FCRL4: variants seen among roughly 807,000 people sequenced by gnomAD.
FCRL4 encodes Fc receptor like 4, also known as Fc receptor-like protein 4.
Under a neutral mutation model 64.1 loss-of-function variants are expected in FCRL4, and 43 were observed. The ratio of observed to expected loss-of-function variants is 0.67; its 90% CI spans 0.53 to 0.87. FCRL4 has a LOEUF of 0.87. FCRL4 is among the 40% of genes least tolerant of loss of function. FCRL4 has a pLI of 0.00. For missense variants in FCRL4, 656 were observed against 613.5 expected (o/e 1.07, Z -0.73); for synonymous variants, 253 against 239.8 (o/e 1.05, Z -0.51).
chr1:157,589,509 C>T (rs1400688828), intron 2 of FCRL4, 51 bp from the exon 3 acceptor site: 5 of 1,594,668 alleles, frequency 3.1e-6, no homozygotes, highest in African/African-American at 1.3e-5. Context: ...GCAGTCCCAG[C>T]TGCAGTGGCT....
intron 6 of FCRL4, among the ~76,000 whole-genome samples, chr1:157,585,345 T>TCTTTCTTTCTTTCTTC (rs1652655488): frequency 7.3e-5 from 1 of 13,618 alleles, no homozygotes; most frequent in Non-Finnish European, 1.5e-4. Flanking sequence ...TTTCTCTCTC[T>TCTTTCTTTCTTTCTTC]CTTTCTTTCT....
At chr1:157,587,180 G>A (rs1188836435) in intron 5 of FCRL4, 96 bp downstream of exon 5, 2 of 1,410,208 alleles carry the variant, frequency 1.4e-6, no homozygotes, top group Admixed American at 2.0e-5. Flanking sequence ...GCCTCTGTCA[G>A]GATGATAAAA....
chr1:157,597,587 T>G (rs974458404), intron 1 of FCRL4, among the ~76,000 whole-genome samples: 21 of 152,330 alleles, frequency 1.4e-4, no homozygotes, highest in Middle Eastern at 3.4e-3. Context: ...ACTCAGTCCA[T>G]CTTTTCCTCT....
intron 3 of FCRL4, 82 bp from the exon 4 acceptor site, chr1:157,588,201 G>A (rs1264078139): frequency 1.4e-6 from 2 of 1,475,694 alleles, no homozygotes; most frequent in African/African-American, 1.4e-5. Context: ...AGGCTTTATT[G>A]TTTTCTTCTT....
intron 6 of FCRL4, among the ~76,000 whole-genome samples, chr1:157,583,961 C>A (rs905316162): frequency 6.6e-6 from 1 of 152,126 alleles, no homozygotes; most frequent in African/African-American, 2.4e-5. Context: ...ATGTTGACAC[C>A]TGCTTTCCAG....
intron 4 of FCRL4, 86 bp downstream of exon 4, chr1:157,587,779 A>G: frequency 1.5e-6 from 2 of 1,366,984 alleles, no homozygotes; most frequent in Non-Finnish European, 2.0e-6. Flanking sequence ...CAGAGTTTCA[A>G]TAGTAACCCG....
intron 6 of FCRL4, among the ~76,000 whole-genome samples, chr1:157,583,343 C>T (rs1389812036): frequency 1.3e-5 from 2 of 152,116 alleles, no homozygotes; most frequent in Non-Finnish European, 2.9e-5. Context: ...TAAGCCTGCT[C>T]CCACACAGCC....
chr1:157,581,690 T>A, intron 6 of FCRL4, 46 bp from the exon 7 acceptor site: 1 of 1,483,566 alleles, frequency 6.7e-7, no homozygotes, highest in East Asian at 2.3e-5. Flanking sequence ...AGGTTCAGGG[T>A]TTGGGATTGC....
At position 157,574,627 on chromosome 1, in the gene FCRL4, G is replaced by T. The variant is rs528217666; in HGVS notation, c.*897C>A. ...AGAAAAGCAACCTTATTTCCTTTGA[G>T]AAGGGAATGGTATTTAGAGAATAAA... On this transcript the variant is annotated 3_prime_UTR_variant, in exon 12 of 12. Transcript: ENST00000271532. The T allele has an allele frequency of 8.8e-4, 183 of 208,730 alleles. No individual in the cohort carries two copies. The highest frequency in any genetic ancestry group is 3.9e-3 in the African/African-American group (174 of 44,124). The allele number at this position is 208,730 out of a possible 1,614,324, so 12.9% of individuals were successfully genotyped here. A position where few individuals can be genotyped will look rare whatever the true frequency, so the allele number is the denominator to read the frequency against.
chr1:157,584,065 C>T (rs1652620188), intron 6 of FCRL4, among the ~76,000 whole-genome samples: 1 of 152,128 alleles, frequency 6.6e-6, no homozygotes, highest in Non-Finnish European at 1.5e-5. Flanking sequence ...GATCTTAACC[C>T]CCAAAAGGAA....
In FCRL4 at chr1:157,578,813, G is replaced by A. The variant is rs890541866; in HGVS notation, c.1317C>T (p.Ser439=). Residue 439 remains serine (S), a synonymous_variant, in exon 9 of 12, where the codon TCC becomes TCT. Coordinates refer to ENST00000271532, the MANE Select transcript of FCRL4 (RefSeq NM_031282.3). ...PAPGPGESSH[S]ICPAQVELQS... ...GAAGCTCCACCTGGGCAGGGCAGAT[G>A]GAATGGGAGGACTCTCCTGGGCCTG... 3 of 1,613,786 alleles carry A rather than the reference G, an allele frequency of 1.9e-6. No individual in the cohort carries two copies. Among genetic ancestry groups the A allele is most frequent in the Non-Finnish European group, 2.5e-6 (3 of 1,179,908 alleles).
At chr1:157,583,814 T>G (rs1026167194) in intron 6 of FCRL4, among the ~76,000 whole-genome samples, 1 of 152,226 alleles carries the variant, frequency 6.6e-6, no homozygotes, top group Non-Finnish European at 1.5e-5. Flanking sequence ...TTGCTATATA[T>G]TCTCCTATTT....
At chr1:157,585,384 T>A (rs1475977305) in intron 6 of FCRL4, among the ~76,000 whole-genome samples, 1 of 101,594 alleles carries the variant, frequency 9.8e-6, no homozygotes, top group East Asian at 2.4e-4. Flanking sequence ...CTTTCTTTCT[T>A]TCTTTCTTTC....
intron 7 of FCRL4, among the ~76,000 whole-genome samples, chr1:157,581,073 C>T (rs1237176426): frequency 6.6e-6 from 1 of 151,308 alleles, no homozygotes; most frequent in Non-Finnish European, 1.5e-5. Flanking sequence ...CCTGAAAAGC[C>T]AGACCCAGAA....
At chr1:157,596,913 T>C (rs1652978573) in intron 1 of FCRL4, among the ~76,000 whole-genome samples, 1 of 152,128 alleles carries the variant, frequency 6.6e-6, no homozygotes, top group Non-Finnish European at 1.5e-5. Context: ...CATTTGTAAA[T>C]GGGAGTTATA....
intron 5 of FCRL4, 26 bp from the exon 6 acceptor site, chr1:157,586,481 G>T: frequency 1.3e-6 from 2 of 1,581,668 alleles, no homozygotes; most frequent in South Asian, 2.3e-5. Flanking sequence ...ACCACAGGTG[G>T]GGGTCGGGTG....
chr1:157,579,360 A>C (rs2101675604), intron 8 of FCRL4, among the ~76,000 whole-genome samples: 1 of 146,958 alleles, frequency 6.8e-6, no homozygotes, highest in South Asian at 2.2e-4. Context: ...ACAGAGCCAG[A>C]TCCTGTCTCA....
intron 6 of FCRL4, 52 bp downstream of exon 6, chr1:157,586,116 A>C: frequency 6.5e-7 from 1 of 1,530,970 alleles, no homozygotes; most frequent in African/African-American, 1.4e-5. Context: ...CCCACCCTTA[A>C]TTTGAGGAAG....
Position 157,586,157 on chromosome 1 carries a change from T to A in FCRL4, c.1135+11A>T. ...TGAGAATAAATAAGGTCAATAGAGATTAAAACTCACCTCTCACAGTGACAT... is the reference window on the plus strand; with the variant it reads ...TGAGAATAAATAAGGTCAATAGAGAATAAAACTCACCTCTCACAGTGACAT... On this transcript the variant is annotated intron_variant, in intron 6 of 11. Transcript: ENST00000271532. 1 of 1,598,842 alleles carries A rather than the reference T, an allele frequency of 6.3e-7. No homozygotes were observed. The highest frequency in any genetic ancestry group is 8.6e-7 in the Non-Finnish European group (1 of 1,169,204).
Sources: gnomAD v4.1 joint callset for allele counts (sites outside exome capture counted in the v4.1 genomes callset) on GRCh38, gnomAD v4.1.1 for gene constraint, MANE v1.5 for transcripts, NCBI Gene and HGNC (gene_info 2026-07-23, HGNC 2026-07-21) for gene names.